Variants in SLC4A7 observed in about 807,000 individuals in gnomAD.
The protein encoded by SLC4A7 is sodium bicarbonate cotransporter 3.
Under a neutral mutation model 137.6 loss-of-function variants are expected in SLC4A7, and 51 were observed. The observed-to-expected ratio is 0.37, with a 90% CI of 0.30 to 0.47. The LOEUF is 0.47. Among genes scored for constraint, SLC4A7 ranks in the 20% least tolerant of loss-of-function variants. SLC4A7 has a pLI of 1.00. For missense variants in SLC4A7, 1,247 were observed against 1,525.4 expected (o/e 0.82, Z 3.04); for synonymous variants, 542 against 518.6 (o/e 1.05, Z -0.61).
intron 1 of SLC4A7, among the ~76,000 whole-genome samples, chr3:27,467,754 C>T (rs2059069780): frequency 6.6e-6 from 1 of 152,154 alleles, no homozygotes; most frequent in African/African-American, 2.4e-5. Context: ...TGTATAAGAT[C>T]ACCATCTAGT....
At chr3:27,456,976 TC>T (rs2058448706) in intron 1 of SLC4A7, 1 of 976,074 alleles carries the variant, frequency 1.0e-6, no homozygotes, top group Non-Finnish European at 1.2e-6. Flanking sequence ...CTGAAACCTT[TC>T]TGCAATGTTA....
intron 1 of SLC4A7, among the ~76,000 whole-genome samples, chr3:27,469,934 A>G (rs747590861): frequency 6.6e-6 from 1 of 152,222 alleles, no homozygotes; most frequent in Non-Finnish European, 1.5e-5. Flanking sequence ...CAAAATAACT[A>G]AGAATGTCTG....
chr3:27,397,398 A>G (rs2052295946), intron 18 of SLC4A7, among the ~76,000 whole-genome samples: 3 of 147,428 alleles, frequency 2.0e-5, no homozygotes, highest in African/African-American at 5.1e-5. Flanking sequence ...GAGAGCAAAG[A>G]CTTTTTTTTT....
chr3:27,440,791 C>T (rs2057129306), intron 3 of SLC4A7, among the ~76,000 whole-genome samples: 1 of 151,240 alleles, frequency 6.6e-6, no homozygotes, highest in Admixed American at 6.6e-5. Context: ...CACCTGTAAT[C>T]CCAGCCACTT....
chr3:27,451,458 TG>T (rs2150549684), intron 2 of SLC4A7, among the ~76,000 whole-genome samples: 1 of 152,250 alleles, frequency 6.6e-6, no homozygotes, highest in Admixed American at 6.5e-5. Flanking sequence ...ATTACTTCTG[TG>T]GTATGCTTCC....
chr3:27,473,676 A>G (rs192413810), intron 1 of SLC4A7, among the ~76,000 whole-genome samples: 189 of 139,980 alleles, frequency 1.4e-3, no homozygotes, highest in African/African-American at 4.8e-3. Context: ...TCAGCACTCC[A>G]GCCTGGGTGA....
chr3:27,444,377 T>C (rs2057434307), intron 3 of SLC4A7, among the ~76,000 whole-genome samples: 1 of 152,196 alleles, frequency 6.6e-6, no homozygotes, highest in East Asian at 1.9e-4. Context: ...TTGAAAATTC[T>C]TCAACTATAA....
At chr3:27,482,589 G>T (rs1242851292) in intron 1 of SLC4A7, among the ~76,000 whole-genome samples, 2 of 152,134 alleles carry the variant, frequency 1.3e-5, no homozygotes, top group Non-Finnish European at 2.9e-5. Flanking sequence ...TGGACAACAT[G>T]GCAAAACCCC....
At chr3:27,478,712 G>A (rs1380728519) in intron 1 of SLC4A7, among the ~76,000 whole-genome samples, 1 of 151,652 alleles carries the variant, frequency 6.6e-6, no homozygotes, top group African/African-American at 2.4e-5. Context: ...ACTAGGCCAG[G>A]CACAGTGGCT....
At position 27,375,712 on chromosome 3, in the gene SLC4A7, T is replaced by A. The variant is rs2049857168; in HGVS notation, c.*1052A>T. 1 of 152,384 alleles carries A rather than the reference T, an allele frequency of 6.6e-6. No individual in the cohort carries two copies. Among genetic ancestry groups the A allele is most frequent in the Non-Finnish European group, 1.5e-5 (1 of 67,892 alleles). 9.4% of individuals were successfully genotyped at this position (152,384 alleles called of 1,614,324 possible). ...ATAATATTTAAGCATCATATCAAAA[T>A]AAATATTTTAAAATAAAATCACAGG... On this transcript the variant is annotated 3_prime_UTR_variant, in exon 26 of 26. Coordinates refer to ENST00000454389, the MANE Select transcript of SLC4A7 (RefSeq NM_001321103.2).
chr3:27,477,453 G>A (rs2059506502), intron 1 of SLC4A7, among the ~76,000 whole-genome samples: 1 of 152,184 alleles, frequency 6.6e-6, no homozygotes, highest in South Asian at 2.1e-4. Flanking sequence ...GCTAAGATCT[G>A]AACCCACGGT....
At chr3:27,406,827 G>A (rs2150183574) in intron 13 of SLC4A7, among the ~76,000 whole-genome samples, 1 of 152,188 alleles carries the variant, frequency 6.6e-6, no homozygotes, top group South Asian at 2.1e-4. Context: ...AGCTACTCCG[G>A]AGGTTATGAG....
chr3:27,379,767 A>C (rs147626758), intron 24 of SLC4A7, among the ~76,000 whole-genome samples: 25 of 152,352 alleles, frequency 1.6e-4, no homozygotes, highest in African/African-American at 5.8e-4. Context: ...CACACATTTA[A>C]TCTTATCAAA....
At chr3:27,429,457 C>G (rs753509849) in intron 7 of SLC4A7, among the ~76,000 whole-genome samples, 1 of 151,874 alleles carries the variant, frequency 6.6e-6, no homozygotes, top group African/African-American at 2.4e-5. Context: ...AACATAAATC[C>G]GAGTCTGTAT....
intron 17 of SLC4A7, 123 bp downstream of exon 17, chr3:27,398,069 T>C: frequency 1.4e-6 from 1 of 701,310 alleles, no homozygotes; most frequent in South Asian, 2.1e-5. Context: ...GAATAATTTC[T>C]TTATTAACCA....
intron 16 of SLC4A7, 141 bp downstream of exon 16, chr3:27,400,623 G>C: frequency 5.3e-6 from 3 of 566,848 alleles, no homozygotes; most frequent in Non-Finnish European, 9.3e-6. Flanking sequence ...AGTAGCAACT[G>C]CTATCTGGTC....
intron 1 of SLC4A7, among the ~76,000 whole-genome samples, chr3:27,455,612 C>T (rs1363531872): frequency 1.2e-4 from 15 of 124,876 alleles, no homozygotes; most frequent in African/African-American, 4.4e-4. Flanking sequence ...CTCATTCTGT[C>T]GCCCAGGCTG....
At chr3:27,482,076 T>A (rs1405512151) in intron 1 of SLC4A7, among the ~76,000 whole-genome samples, 4 of 152,188 alleles carry the variant, frequency 2.6e-5, no homozygotes, top group African/African-American at 9.7e-5. Flanking sequence ...GAGGTTGCAG[T>A]GAGGCGAGAT....
chr3:27,390,763 T>C (rs1576141729), intron 21 of SLC4A7, among the ~76,000 whole-genome samples: 1 of 152,310 alleles, frequency 6.6e-6, no homozygotes, highest in Middle Eastern at 3.4e-3. Context: ...AACATCCTTT[T>C]CATGAGAAGA....
Sources: gnomAD v4.1 joint callset for allele counts (sites outside exome capture counted in the v4.1 genomes callset) on GRCh38, gnomAD v4.1.1 for gene constraint, MANE v1.5 for transcripts, NCBI Gene and HGNC (gene_info 2026-07-23, HGNC 2026-07-21) for gene names.